Variants in PLCE1 observed in about 807,000 individuals in gnomAD.
PLCE1 encodes the protein phospholipase C epsilon 1.
PLCE1 carries 119 observed loss-of-function variants against 242.8 expected under a neutral mutation model. That is an observed-to-expected ratio of 0.49 (90% CI 0.42 to 0.57). PLCE1 has a LOEUF of 0.57. PLCE1 is among the 20% of genes least tolerant of loss of function. The probability of loss-of-function intolerance (pLI) is 0.00; values close to 1 mark genes in which losing one functional copy is unlikely to be tolerated. For missense variants in PLCE1, 2,441 were observed against 2,788.8 expected, an observed-to-expected ratio of 0.88 and a Z score of 2.81; for synonymous variants, 945 against 1,017.4, an observed-to-expected ratio of 0.93 and a Z score of 1.35.
intron 4 of PLCE1, among the ~76,000 whole-genome samples, chr10:94,205,720 G>A (rs990196334): frequency 5.3e-5 from 8 of 152,184 alleles, no homozygotes; most frequent in African/African-American, 9.7e-5. Flanking sequence ...ATCTCTAAAC[G>A]GTTCATCTGT....
intron 3 of PLCE1, among the ~76,000 whole-genome samples, chr10:94,156,069 G>C (rs986047231): frequency 2.6e-5 from 4 of 152,164 alleles, no homozygotes; most frequent in East Asian, 1.9e-4. Flanking sequence ...CTGACATCTT[G>C]ATGGGGTGTG....
At chr10:94,243,257 G>GA (rs376754823) in intron 7 of PLCE1, among the ~76,000 whole-genome samples, 1 of 151,982 alleles carries the variant, frequency 6.6e-6, no homozygotes, top group Non-Finnish European at 1.5e-5. Context: ...TCTAGTTATG[G>GA]AAAAAATATC....
At chr10:94,190,699 C>T (rs1384447937) in intron 4 of PLCE1, among the ~76,000 whole-genome samples, 1 of 152,194 alleles carries the variant, frequency 6.6e-6, no homozygotes, top group Non-Finnish European at 1.5e-5. Context: ...ATTGCTATCT[C>T]CATTGTGACT....
At chr10:94,015,210 G>C (rs1389748215) in intron 1 of PLCE1, among the ~76,000 whole-genome samples, 2 of 152,198 alleles carry the variant, frequency 1.3e-5, no homozygotes, top group Non-Finnish European at 2.9e-5. Context: ...TATAGGGGCT[G>C]CTGTGTGCAA....
At chr10:94,014,454 A>T (rs2061237667) in intron 1 of PLCE1, among the ~76,000 whole-genome samples, 1 of 151,370 alleles carries the variant, frequency 6.6e-6, no homozygotes, top group East Asian at 1.9e-4. Flanking sequence ...AAAAAAAAAA[A>T]ATTAGCTGGG....
chr10:94,004,577 G>A (rs923574477), intron 1 of PLCE1, among the ~76,000 whole-genome samples: 3 of 152,240 alleles, frequency 2.0e-5, no homozygotes. Context: ...AAGCTGAGGA[G>A]AATCTGAGCC....
At chr10:94,322,437 G>A (rs189575381) in intron 30 of PLCE1, among the ~76,000 whole-genome samples, 1 of 151,842 alleles carries the variant, frequency 6.6e-6, no homozygotes, top group Admixed American at 6.5e-5. Flanking sequence ...GATCACTTGA[G>A]CTCATGAGTT....
chr10:94,225,960 G>T (rs1348776696), intron 4 of PLCE1, among the ~76,000 whole-genome samples: 3 of 152,194 alleles, frequency 2.0e-5, no homozygotes, highest in South Asian at 2.1e-4. Context: ...TGCTGTCCAG[G>T]CTTCAGCACT....
chr10:94,313,035 T>C (rs552550243), intron 27 of PLCE1, among the ~76,000 whole-genome samples: 3 of 152,308 alleles, frequency 2.0e-5, no homozygotes, highest in Admixed American at 2.0e-4. Flanking sequence ...AAAGAGACAC[T>C]GTAATTTAAA....
chr10:94,243,484 G>C (rs1415548463), intron 7 of PLCE1, among the ~76,000 whole-genome samples: 1 of 152,174 alleles, frequency 6.6e-6, no homozygotes, highest in Non-Finnish European at 1.5e-5. Context: ...TAATGTGTTA[G>C]GATTTGTTCA....
chr10:94,159,030 G>A (rs1479659932), intron 3 of PLCE1, among the ~76,000 whole-genome samples: 1 of 151,538 alleles, frequency 6.6e-6, no homozygotes, highest in African/African-American at 2.4e-5. Flanking sequence ...TTTTCACAGT[G>A]AGCATGTTTC....
At chr10:94,088,303 T>C (rs2044919195) in intron 2 of PLCE1, 3 of 152,260 alleles carry the variant, frequency 2.0e-5, no homozygotes. Context: ...TTATGATCAG[T>C]AATACATCCA....
At chr10:94,260,266 A>T (rs1205596760) in intron 13 of PLCE1, among the ~76,000 whole-genome samples, 1 of 152,124 alleles carries the variant, frequency 6.6e-6, no homozygotes, top group African/African-American at 2.4e-5. Flanking sequence ...TTCTGTCTGA[A>T]TGATTGTCCA....
chr10:94,320,752 TGTG>T (rs2053769916), intron 29 of PLCE1, among the ~76,000 whole-genome samples: 2 of 152,214 alleles, frequency 1.3e-5, no homozygotes, highest in Admixed American at 1.3e-4. Flanking sequence ...CATTTGAAAA[TGTG>T]GTGGACAAAG....
intron 3 of PLCE1, among the ~76,000 whole-genome samples, chr10:94,149,729 G>A (rs1402919031): frequency 1.3e-5 from 2 of 152,054 alleles, no homozygotes; most frequent in South Asian, 4.2e-4. Context: ...CCCTTCCATA[G>A]AGAAAGTGTT....
chr10:94,106,164 AAGT>A, intron 2 of PLCE1: 1 of 152,230 alleles, frequency 6.6e-6, no homozygotes, highest in East Asian at 1.9e-4. Context: ...AACAGTCTGG[AAGT>A]ACATAAAAAG....
At chr10:94,061,373 T>C (rs1285117236) in intron 2 of PLCE1, among the ~76,000 whole-genome samples, 1 of 152,216 alleles carries the variant, frequency 6.6e-6, no homozygotes, top group Non-Finnish European at 1.5e-5. Flanking sequence ...AAACCCATAC[T>C]ATGAATCTGT....
intron 20 of PLCE1, chr10:94,283,482 A>G (rs1391180948): frequency 5.8e-6 from 2 of 343,418 alleles, no homozygotes; most frequent in Middle Eastern, 1.0e-3. Context: ...CACAGTTCCA[A>G]TCATCTGTAT....
intron 2 of PLCE1, among the ~76,000 whole-genome samples, chr10:94,117,254 A>G (rs1471917663): frequency 6.6e-6 from 1 of 152,186 alleles, no homozygotes; most frequent in Non-Finnish European, 1.5e-5. Flanking sequence ...TTGGGCCATG[A>G]GTGACAGAAC....
Sources: gnomAD v4.1 joint callset for allele counts (sites outside exome capture counted in the v4.1 genomes callset) on GRCh38, gnomAD v4.1.1 for gene constraint, MANE v1.5 for transcripts, NCBI Gene and HGNC (gene_info 2026-07-23, HGNC 2026-07-21) for gene names.